Variants in NBAS observed in about 807,000 individuals in gnomAD.
NBAS encodes NAG/BC035112 fusion.
NBAS carries 219 observed loss-of-function variants against 302.5 expected under a neutral mutation model. The observed-to-expected ratio is 0.72, with a 90% CI of 0.65 to 0.81. The LOEUF is 0.81. NBAS is among the 30% of genes least tolerant of loss of function. The probability of loss-of-function intolerance (pLI) is 0.00; values close to 1 mark genes in which losing one functional copy is unlikely to be tolerated. For missense variants in NBAS, 2,932 were observed against 2,841.6 expected, an observed-to-expected ratio of 1.03 and a Z score of -0.72; for synonymous variants, 1,118 against 1,021.6, an observed-to-expected ratio of 1.09 and a Z score of -1.80.
At chr2:15,376,619 G>A (rs916252551) in intron 30 of NBAS, among the ~76,000 whole-genome samples, 21 of 152,022 alleles carry the variant, frequency 1.4e-4, no homozygotes, top group African/African-American at 3.6e-4. Flanking sequence ...GGGGGGACTT[G>A]GTGCAGGAGT....
At chr2:14,834,544 T>C in the NBAS span, among the ~76,000 whole-genome samples, 14 of 152,146 alleles carry the variant, frequency 9.2e-5, no homozygotes, top group Non-Finnish European at 1.9e-4. Flanking sequence ...TCATAGCAGA[T>C]TGTTACAAAA....
chr2:15,514,849 T>C (rs1429998015), intron 9 of NBAS, among the ~76,000 whole-genome samples: 2 of 152,158 alleles, frequency 1.3e-5, no homozygotes. Context: ...ATAACTAGCA[T>C]AGCCATGCAT....
At chr2:14,792,254 G>A in the NBAS span, among the ~76,000 whole-genome samples, 9 of 152,190 alleles carry the variant, frequency 5.9e-5, no homozygotes, top group African/African-American at 2.2e-4. Flanking sequence ...TCCTGATAAT[G>A]CTATGTTAAG....
chr2:15,412,273 A>G (rs1016998813), intron 25 of NBAS, among the ~76,000 whole-genome samples: 1 of 152,180 alleles, frequency 6.6e-6, no homozygotes, highest in Non-Finnish European at 1.5e-5. Flanking sequence ...AATGTGAAGA[A>G]GTAACCTAAG....
At chr2:14,927,120 T>C in the NBAS span, among the ~76,000 whole-genome samples, 2 of 152,216 alleles carry the variant, frequency 1.3e-5, no homozygotes, top group African/African-American at 4.8e-5. Context: ...CAGCACTACC[T>C]CTACCTGGTT....
the NBAS span, among the ~76,000 whole-genome samples, chr2:15,149,614 T>A: frequency 6.6e-6 from 1 of 152,092 alleles, no homozygotes. Context: ...GCCTCTTGAG[T>A]AGCTGGGACT....
chr2:15,074,474 A>G, the NBAS span, among the ~76,000 whole-genome samples: 17 of 147,780 alleles, frequency 1.2e-4, no homozygotes, highest in African/African-American at 3.9e-4. Flanking sequence ...AAAATAATGT[A>G]TTTATAATCA....
chr2:15,276,864 C>A lies in NBAS; in HGVS notation c.5376G>T (p.Lys1792Asn). Residue 1792 changes from lysine to asparagine, a missense_variant, in exon 43 of 52, where the codon AAG becomes AAT. Transcript: ENST00000281513. ...ETHIRLLKKFKVVASGLNYKK... is the reference protein window; with the variant it reads ...ETHIRLLKKFNVVASGLNYKK... ...CAACCATCCTACCTGATGCAACAAC[C>A]TTAAACTTCTTCAGCAGTCGAATGT... 6.2e-7 allele frequency: 1 copy of A among 1,614,062 alleles called. No homozygotes were observed. The highest frequency in any genetic ancestry group is 8.5e-7 in the Non-Finnish European group (1 of 1,179,960).
intron 6 of NBAS, among the ~76,000 whole-genome samples, chr2:15,545,813 AAACC>A (rs1664079513): frequency 6.6e-6 from 1 of 152,238 alleles, no homozygotes; most frequent in Admixed American, 6.5e-5. Context: ...CTCCAATACC[AAACC>A]AGGAAGATGT....
At chr2:15,517,190 T>A (rs1466306723) in intron 9 of NBAS, among the ~76,000 whole-genome samples, 1 of 152,180 alleles carries the variant, frequency 6.6e-6, no homozygotes, top group Non-Finnish European at 1.5e-5. Context: ...GTTCAGGGTT[T>A]TTATATAGGT....
At chr2:15,097,860 C>T in the NBAS span, among the ~76,000 whole-genome samples, 93 of 139,450 alleles carry the variant, frequency 6.7e-4, 1 homozygote, top group African/African-American at 2.3e-3. Context: ...ATATGTAAAG[C>T]ACCTAACACA....
intron 21 of NBAS, among the ~76,000 whole-genome samples, chr2:15,436,883 T>C (rs973387809): frequency 1.3e-5 from 2 of 152,170 alleles, no homozygotes; most frequent in Admixed American, 1.3e-4. Context: ...TATTTAAAAC[T>C]TACTACATAT....
chr2:15,529,180 G>A (rs1663098222), intron 9 of NBAS, among the ~76,000 whole-genome samples: 1 of 151,974 alleles, frequency 6.6e-6, no homozygotes, highest in African/African-American at 2.4e-5. Flanking sequence ...TGCTGAGGAA[G>A]TGAGGTATTA....
chr2:15,502,161 T>A (rs941909010), intron 11 of NBAS, among the ~76,000 whole-genome samples: 1 of 152,202 alleles, frequency 6.6e-6, no homozygotes, highest in Non-Finnish European at 1.5e-5. Context: ...TGACACTGGA[T>A]AAGTGAGTTT....
intron 21 of NBAS, among the ~76,000 whole-genome samples, chr2:15,447,084 C>T (rs554942907): frequency 1.8e-4 from 27 of 152,244 alleles, no homozygotes; most frequent in Admixed American, 1.1e-3. Context: ...TGCCAACACA[C>T]GGGACATGTG....
chr2:15,472,593 C>T (rs1024407307), intron 16 of NBAS, among the ~76,000 whole-genome samples: 3 of 152,182 alleles, frequency 2.0e-5, no homozygotes. Flanking sequence ...CCCCCAGAAG[C>T]AGGCGTCCAG....
intron 44 of NBAS, among the ~76,000 whole-genome samples, chr2:15,249,303 T>C (rs1668252682): frequency 6.6e-6 from 1 of 152,150 alleles, no homozygotes; most frequent in African/African-American, 2.4e-5. Flanking sequence ...TAGGTATTGA[T>C]GAAACGTATC....
chr2:14,993,695 C>A, the NBAS span, among the ~76,000 whole-genome samples: 9 of 152,162 alleles, frequency 5.9e-5, no homozygotes, highest in African/African-American at 2.2e-4. Context: ...ATTAAAAACC[C>A]AGTCACTGCC....
chr2:15,113,408 A>G, the NBAS span, among the ~76,000 whole-genome samples: 3 of 150,610 alleles, frequency 2.0e-5, no homozygotes, highest in Non-Finnish European at 4.4e-5. Flanking sequence ...ATGCCAATCT[A>G]TTGTTTCTCA....
Sources: gnomAD v4.1 joint callset for allele counts (sites outside exome capture counted in the v4.1 genomes callset) on GRCh38, gnomAD v4.1.1 for gene constraint, MANE v1.5 for transcripts, NCBI Gene and HGNC (gene_info 2026-07-23, HGNC 2026-07-21) for gene names.